The following EVI5 variants were observed in gnomAD, a reference collection of about 807,000 sequenced individuals.
EVI5 encodes ecotropic viral integration site 5.
In EVI5, 73 loss-of-function variants were observed where a neutral mutation model predicts 112.0. The ratio of observed to expected loss-of-function variants is 0.65; its 90% confidence interval spans 0.54 to 0.79. The LOEUF (loss-of-function observed/expected upper bound fraction) is 0.79. EVI5 is among the 30% of genes least tolerant of loss of function. The probability of loss-of-function intolerance (pLI) is 0.00; values close to 1 mark genes in which losing one functional copy is unlikely to be tolerated. For synonymous variants in EVI5, 305 were observed against 319.9 expected, an observed-to-expected ratio of 0.95 and a Z score of 0.50; for missense variants, 900 against 968.8, an observed-to-expected ratio of 0.93 and a Z score of 0.94.
rs573408704 is a variant in EVI5, at chr1:92,629,706, T to G, written c.1528-3772A>C. Among the ~76,000 whole-genome samples the G allele has an allele frequency of 4.0e-4, 61 of 152,288 alleles. 1 individual carries two copies. Among genetic ancestry groups the G allele is most frequent in the Admixed American group, 3.7e-3 (57 of 15,290 alleles). ...TATACTTTAAGTTTTAGGGTACATG[T>G]GCACAATGTGCAGGTTTGTTAAATA... On this transcript the variant is annotated intron_variant, in intron 14 of 19. Transcript: ENST00000684568.
chr1:92,673,186 T>TC (rs1491238072), intron 10 of EVI5, among the ~76,000 whole-genome samples: 5 of 1,520 alleles, frequency 3.3e-3, no homozygotes, highest in African/African-American at 2.8e-3. Flanking sequence ...AACACTTCTC[T>TC]TTTTTTTTTT....
At position 92,550,781 on chromosome 1, in the gene EVI5, AATATATATATATATATATAT is replaced by A. The variant is rs1330757944; in HGVS notation, c.2166+12841_2166+12860del. ...AAAAAAAAAAAAAAAAAAAAAAAAA[AATATATATATATATATATAT>A]ATATATATATATAACAAAAAAAACA... On this transcript the variant is annotated intron_variant, in intron 19 of 19. Coordinates refer to ENST00000684568, the MANE Select transcript of EVI5 (RefSeq NM_001350197.2). 4.1e-3 allele frequency among the ~76,000 whole-genome samples: 84 copies of A among 20,322 alleles called. 2 individuals are homozygous for A. The highest frequency in any genetic ancestry group is 0.042 in the Middle Eastern group (1 of 24). 13.3% of individuals were successfully genotyped at this position (20,322 alleles called of 152,430 possible).
At position 92,511,445 on chromosome 1, in the gene EVI5, AAAAAACAAAAAT is replaced by A. The variant is rs1659187399; in HGVS notation, c.*2199_*2210del. 6.6e-6 allele frequency: 1 copy of A among 152,276 alleles called. No homozygotes were observed. The highest frequency in any genetic ancestry group is 6.5e-5 in the Admixed American group (1 of 15,278). 9.4% of individuals were successfully genotyped at this position (152,276 alleles called of 1,614,324 possible). A position where few individuals can be genotyped will look rare whatever the true frequency, so the allele number is the denominator to read the frequency against. On this transcript the variant is annotated 3_prime_UTR_variant, in exon 20 of 20. Coordinates refer to ENST00000684568, the MANE Select transcript of EVI5 (RefSeq NM_001350197.2). ...CCTGAGTGCAGTGAGACTTCATCTC[AAAAAACAAAAAT>A]AAAAACAAAACAAAACAGAGAATTG...
intron 18 of EVI5, among the ~76,000 whole-genome samples, chr1:92,575,033 T>C (rs981391521): frequency 1.3e-5 from 2 of 152,196 alleles, no homozygotes; most frequent in African/African-American, 4.8e-5. Flanking sequence ...ATCAGATGCA[T>C]AACTGAAGTA....
At chr1:92,615,598 T>C (rs1167627820) in intron 16 of EVI5, among the ~76,000 whole-genome samples, 2 of 152,108 alleles carry the variant, frequency 1.3e-5, no homozygotes, top group Non-Finnish European at 2.9e-5. Flanking sequence ...CCATCCCCAG[T>C]AGTGGAAACA....
chr1:92,516,906 T>A (rs1659991287), intron 19 of EVI5, among the ~76,000 whole-genome samples: 2 of 150,490 alleles, frequency 1.3e-5, no homozygotes, highest in African/African-American at 2.4e-5. Flanking sequence ...AAGAAAAAAA[T>A]CCTTATGGGT....
intron 16 of EVI5, among the ~76,000 whole-genome samples, chr1:92,608,865 T>C (rs756105869): frequency 3.9e-5 from 6 of 152,212 alleles, no homozygotes; most frequent in Non-Finnish European, 8.8e-5. Context: ...GTTTTAATAT[T>C]TGGTCATTAA....
At chr1:92,599,712 T>C (rs1022878963) in intron 18 of EVI5, among the ~76,000 whole-genome samples, 22 of 152,024 alleles carry the variant, frequency 1.4e-4, no homozygotes, top group African/African-American at 5.1e-4. Flanking sequence ...AATACAGCAA[T>C]TTAGGAAGAT....
At chr1:92,524,585 T>C (rs1394431209) in intron 19 of EVI5, among the ~76,000 whole-genome samples, 1 of 152,208 alleles carries the variant, frequency 6.6e-6, no homozygotes, top group Admixed American at 6.5e-5. Context: ...GTGGGATTCA[T>C]CACTGAAGCG....
intron 16 of EVI5, among the ~76,000 whole-genome samples, chr1:92,608,048 G>T (rs972813239): frequency 6.6e-6 from 1 of 151,750 alleles, no homozygotes; most frequent in Non-Finnish European, 1.5e-5. Flanking sequence ...GTACTCGGGA[G>T]GCTGAAGCTG....
intron 13 of EVI5, among the ~76,000 whole-genome samples, chr1:92,646,868 G>A (rs1383955301): frequency 2.6e-5 from 4 of 152,086 alleles, no homozygotes. Flanking sequence ...GACCACTTCA[G>A]GTAAACCACT....
intron 2 of EVI5, among the ~76,000 whole-genome samples, chr1:92,730,492 G>A (rs1413621072): frequency 6.6e-6 from 1 of 151,402 alleles, no homozygotes; most frequent in Admixed American, 6.6e-5. Context: ...TCCAGGCAAC[G>A]AAGCAAGACC....
chr1:92,758,464 G>C (rs1465865538), intron 1 of EVI5, among the ~76,000 whole-genome samples: 1 of 151,568 alleles, frequency 6.6e-6, no homozygotes, highest in African/African-American at 2.4e-5. Context: ...AGCTACTCAG[G>C]AGCCTGAGGC....
At chr1:92,558,748 T>C (rs1243226460) in intron 19 of EVI5, among the ~76,000 whole-genome samples, 1 of 150,514 alleles carries the variant, frequency 6.6e-6, no homozygotes, top group Non-Finnish European at 1.5e-5. Flanking sequence ...AGCCCTGTAG[T>C]CCCAGCTACT....
intron 18 of EVI5, among the ~76,000 whole-genome samples, chr1:92,571,233 A>G (rs1670282206): frequency 1.4e-5 from 2 of 147,644 alleles, no homozygotes; most frequent in Non-Finnish European, 1.5e-5. Context: ...CACACTAGAT[A>G]AACTGAGGAA....
intron 18 of EVI5, among the ~76,000 whole-genome samples, chr1:92,581,081 T>C (rs1364271264): frequency 6.6e-6 from 1 of 152,236 alleles, no homozygotes; most frequent in African/African-American, 2.4e-5. Flanking sequence ...ACCATGTTCA[T>C]GGCTAGGTGA....
At chr1:92,697,715 CA>C in intron 6 of EVI5, 144 bp downstream of exon 6, 1 of 678,364 alleles carries the variant, frequency 1.5e-6, no homozygotes, top group Non-Finnish European at 2.4e-6. Context: ...GTACATTAAC[CA>C]ACCAAAAAAC....
chr1:92,784,425 T>G (rs1421158532), intron 1 of EVI5: 44 of 985,310 alleles, frequency 4.5e-5, no homozygotes, highest in Middle Eastern at 1.0e-3. Context: ...ACGCCAACTT[T>G]GCAAGTCAGG....
upstream of EVI5, among the ~76,000 whole-genome samples, chr1:92,789,182 C>A (rs1685900795): frequency 6.6e-6 from 1 of 151,948 alleles, no homozygotes; most frequent in South Asian, 2.1e-4. Context: ...TGATTGAAAT[C>A]CTGTTTTGTC....
Sources: gnomAD v4.1 joint callset for allele counts (sites outside exome capture counted in the v4.1 genomes callset) on GRCh38, gnomAD v4.1.1 for gene constraint, MANE v1.5 for transcripts, NCBI Gene and HGNC (gene_info 2026-07-23, HGNC 2026-07-21) for gene names.